PDZRN4: variants seen among roughly 807,000 people sequenced by gnomAD.
The protein encoded by PDZRN4 is PDZ domain-containing RING finger protein 4.
In PDZRN4, 70 loss-of-function variants were observed where a neutral mutation model predicts 99.0. The ratio of observed to expected loss-of-function variants is 0.71; its 90% CI spans 0.58 to 0.86. PDZRN4 has a LOEUF of 0.86. Among genes scored for constraint, PDZRN4 ranks in the 40% least tolerant of loss-of-function variants. The probability of loss-of-function intolerance (pLI) is 0.00; values close to 1 mark genes in which losing one functional copy is unlikely to be tolerated. For synonymous variants in PDZRN4, 551 were observed against 501.6 expected (o/e 1.10, Z -1.32); for missense variants, 1,474 against 1,331.2 (o/e 1.11, Z -1.67).
At chr12:41,411,847 C>T (rs1952402385) in intron 3 of PDZRN4, 1 of 152,108 alleles carries the variant, frequency 6.6e-6, no homozygotes, top group African/African-American at 2.4e-5. Flanking sequence ...ACTTTTTCTT[C>T]CAGGTAGTTA....
intron 3 of PDZRN4, among the ~76,000 whole-genome samples, chr12:41,198,496 T>A (rs1025062094): frequency 1.7e-4 from 26 of 151,438 alleles, no homozygotes; most frequent in African/African-American, 6.3e-4. Context: ...TATATTAAAA[T>A]CTTTTTATTC....
chr12:41,356,622 G>A (rs1212473931), intron 3 of PDZRN4, among the ~76,000 whole-genome samples: 1 of 151,902 alleles, frequency 6.6e-6, no homozygotes, highest in Admixed American at 6.6e-5. Context: ...ATAGAGAAAA[G>A]AGATGAAAGA....
Position 41,451,855 on chromosome 12 carries a change from TC to T in PDZRN4, c.844-54600del, listed in dbSNP as rs140829233. 3.8e-3 allele frequency among the ~76,000 whole-genome samples: 581 copies of T among 152,272 alleles called. 17 individuals carry two copies. In the East Asian group the frequency reaches 0.091, roughly 24 times the overall value. On this transcript the variant is annotated intron_variant, in intron 3 of 9. Transcript: ENST00000402685. ...TCATCTTCCTCACACCAAAGATACCTCATTCTCATCTTCTACTACAACCAGA... is the reference window on the plus strand; with the variant it reads ...TCATCTTCCTCACACCAAAGATACCTATTCTCATCTTCTACTACAACCAGA...
At chr12:41,261,817 T>A (rs1951242179) in intron 3 of PDZRN4, among the ~76,000 whole-genome samples, 1 of 152,152 alleles carries the variant, frequency 6.6e-6, no homozygotes, top group Non-Finnish European at 1.5e-5. Flanking sequence ...CTTTTTATTG[T>A]TTTGAAATCT....
rs572628267 is a variant in PDZRN4 at position 41,338,317 on chromosome 12, T to A, written c.843+144129T>A. Among the ~76,000 whole-genome samples, 264 of 152,222 alleles carry A rather than the reference T, an allele frequency of 1.7e-3. 2 individuals carry two copies. The highest frequency in any genetic ancestry group is 6.0e-3 in the African/African-American group (251 of 41,556). Reference sequence around the variant, plus strand: ...TTTATCCAGTGCCAACTATTCCAATTCTTATACTTCTTCATATTAGTGAAA... The same window carrying A: ...TTTATCCAGTGCCAACTATTCCAATACTTATACTTCTTCATATTAGTGAAA... On this transcript the variant is annotated intron_variant, in intron 3 of 9. Coordinates refer to ENST00000402685, the MANE Select transcript of PDZRN4 (RefSeq NM_001164595.2).
chr12:41,235,662 A>G (rs1002565371), intron 3 of PDZRN4, among the ~76,000 whole-genome samples: 1 of 152,200 alleles, frequency 6.6e-6, no homozygotes, highest in Non-Finnish European at 1.5e-5. Flanking sequence ...AAACATCTCA[A>G]TTTTTAAATG....
intron 3 of PDZRN4, among the ~76,000 whole-genome samples, chr12:41,367,722 A>G (rs1592030256): frequency 6.6e-6 from 1 of 152,074 alleles, no homozygotes; most frequent in Admixed American, 6.6e-5. Flanking sequence ...AAAAATTCAA[A>G]TAGTTTACTA....
At chr12:41,484,141 C>T (rs1482340636) in intron 3 of PDZRN4, among the ~76,000 whole-genome samples, 2 of 152,044 alleles carry the variant, frequency 1.3e-5, no homozygotes, top group African/African-American at 4.8e-5. Context: ...ACACAGAGAA[C>T]TTATTAGTGT....
intron 3 of PDZRN4, among the ~76,000 whole-genome samples, chr12:41,497,420 A>G (rs1938028802): frequency 1.3e-5 from 2 of 152,084 alleles, no homozygotes; most frequent in African/African-American, 4.8e-5. Context: ...GTTACGTTTT[A>G]AATACTTGGG....
chr12:41,461,699 T>A (rs1592069053), intron 3 of PDZRN4, among the ~76,000 whole-genome samples: 1 of 152,292 alleles, frequency 6.6e-6, no homozygotes, highest in South Asian at 2.1e-4. Flanking sequence ...AAATCCCATA[T>A]CACCTTTAGA....
intron 3 of PDZRN4, among the ~76,000 whole-genome samples, chr12:41,472,154 C>T (rs571795194): frequency 2.0e-5 from 3 of 152,188 alleles, no homozygotes; most frequent in African/African-American, 7.2e-5. Context: ...CAGGCATGTG[C>T]CACCACACCC....
intron 3 of PDZRN4, among the ~76,000 whole-genome samples, chr12:41,276,842 A>G (rs527847131): frequency 6.6e-6 from 1 of 152,260 alleles, no homozygotes; most frequent in East Asian, 1.9e-4. Context: ...TCAGTACCCT[A>G]TATTTGTCTG....
chr12:41,495,254 T>C (rs1430742743), intron 3 of PDZRN4, among the ~76,000 whole-genome samples: 1 of 152,070 alleles, frequency 6.6e-6, no homozygotes, highest in Admixed American at 6.6e-5. Context: ...CTTCAGAATA[T>C]TGGAAGAAGT....
At chr12:41,251,326 T>C (rs1215070280) in intron 3 of PDZRN4, among the ~76,000 whole-genome samples, 1 of 152,210 alleles carries the variant, frequency 6.6e-6, no homozygotes, top group Non-Finnish European at 1.5e-5. Flanking sequence ...TATGGTAATC[T>C]GCTGCCATGG....
At chr12:41,558,061 A>G (rs1939198082) in intron 7 of PDZRN4, among the ~76,000 whole-genome samples, 1 of 152,086 alleles carries the variant, frequency 6.6e-6, no homozygotes, top group Non-Finnish European at 1.5e-5. Context: ...TAAAGGGACC[A>G]TTTTCGTGTG....
At chr12:41,560,529 A>T (rs1939251312) in intron 7 of PDZRN4, among the ~76,000 whole-genome samples, 1 of 152,192 alleles carries the variant, frequency 6.6e-6, no homozygotes, top group Non-Finnish European at 1.5e-5. Flanking sequence ...TTATGTTAAC[A>T]AAACTTACCT....
chr12:41,388,555 G>C (rs768439241), intron 3 of PDZRN4, among the ~76,000 whole-genome samples: 5 of 152,122 alleles, frequency 3.3e-5, no homozygotes, highest in Admixed American at 6.5e-5. Context: ...TTTGATTGCT[G>C]TTTTGAGAAT....
chr12:41,321,560 G>A (rs1951677768), intron 3 of PDZRN4, among the ~76,000 whole-genome samples: 1 of 152,118 alleles, frequency 6.6e-6, no homozygotes, highest in Non-Finnish European at 1.5e-5. Context: ...TCAGTTCCTA[G>A]AAATTCTAGT....
intron 3 of PDZRN4, among the ~76,000 whole-genome samples, chr12:41,387,213 T>A (rs2121111968): frequency 6.6e-6 from 1 of 152,274 alleles, no homozygotes; most frequent in Admixed American, 6.5e-5. Context: ...TTTCAAACTA[T>A]TCCTCTAACA....
Sources: allele counts gnomAD v4.1 joint callset (sites outside exome capture counted in the v4.1 genomes callset), GRCh38; gene constraint gnomAD v4.1.1; transcripts MANE v1.5; gene names NCBI Gene and HGNC (gene_info 2026-07-23, HGNC 2026-07-21).